The following GRAMD1B variants were observed in gnomAD, a reference collection of about 807,000 sequenced individuals.
GRAMD1B encodes the protein GRAM domain containing 1B, also known as protein Aster-B.
A neutral mutation model predicts 99.7 loss-of-function variants in GRAMD1B; 37 were observed. The ratio of observed to expected loss-of-function variants is 0.37; its 90% CI spans 0.29 to 0.49. The LOEUF (loss-of-function observed/expected upper bound fraction) is 0.49, where lower values mean the gene tolerates loss of function less well. GRAMD1B is among the 20% of genes least tolerant of loss of function. The probability of loss-of-function intolerance (pLI) is 0.98; values close to 1 mark genes in which losing one functional copy is unlikely to be tolerated. For synonymous variants in GRAMD1B, 427 were observed against 387.6 expected (o/e 1.10, Z -1.19); for missense variants, 888 against 1,009.2 (o/e 0.88, Z 1.63).
intron 1 of GRAMD1B, chr11:123,435,722 G>A (rs774022198): frequency 9.7e-5 from 37 of 382,074 alleles, no homozygotes; most frequent in Non-Finnish European, 1.4e-4. Context: ...TGTTTAAAGT[G>A]AAATTCTTTT....
At chr11:123,459,885 TGC>T (rs1265414020) in intron 1 of GRAMD1B, 5 of 152,220 alleles carry the variant, frequency 3.3e-5, no homozygotes, top group Admixed American at 2.6e-4. Flanking sequence ...GTGTACAGAT[TGC>T]CATTCAAAAA....
intron 2 of GRAMD1B, among the ~76,000 whole-genome samples, chr11:123,513,433 C>T (rs1941241201): frequency 6.6e-6 from 1 of 151,822 alleles, no homozygotes; most frequent in Non-Finnish European, 1.5e-5. Context: ...ATAGCCTGAC[C>T]TGACTGTGTT....
chr11:123,416,306 G>A (rs561978019), intron 1 of GRAMD1B, among the ~76,000 whole-genome samples: 79 of 152,182 alleles, frequency 5.2e-4, no homozygotes, highest in Non-Finnish European at 1.1e-3. Flanking sequence ...TAACTGAATG[G>A]GCAAAACCAC....
At chr11:123,486,390 C>G (rs575792532) in intron 2 of GRAMD1B, among the ~76,000 whole-genome samples, 3 of 151,694 alleles carry the variant, frequency 2.0e-5, no homozygotes, top group Non-Finnish European at 4.4e-5. Flanking sequence ...TTTATCAAAA[C>G]TACAAAAAAT....
intron 1 of GRAMD1B, among the ~76,000 whole-genome samples, chr11:123,472,227 C>CA (rs35517773): frequency 0.075 from 9,218 of 123,318 alleles, 407 homozygotes; most frequent in African/African-American, 0.15. Flanking sequence ...GACTCTGTCT[C>CA]AAAAAAAAAA....
At chr11:123,497,981 C>T (rs947184426) in intron 2 of GRAMD1B, among the ~76,000 whole-genome samples, 2 of 152,102 alleles carry the variant, frequency 1.3e-5, no homozygotes, top group Non-Finnish European at 2.9e-5. Flanking sequence ...TTCCCTCCCC[C>T]TTCCCGGCCA....
chr11:123,446,587 T>C (rs1172424031), intron 1 of GRAMD1B, among the ~76,000 whole-genome samples: 2 of 152,188 alleles, frequency 1.3e-5, no homozygotes, highest in Non-Finnish European at 2.9e-5. Flanking sequence ...CTCAGAACAC[T>C]GAAAATTTCT....
intron 2 of GRAMD1B, among the ~76,000 whole-genome samples, chr11:123,575,409 G>A (rs960184049): frequency 1.1e-4 from 17 of 152,184 alleles, no homozygotes; most frequent in African/African-American, 2.9e-4. Context: ...TCTCAAACTC[G>A]TGGTCTCAAA....
chr11:123,562,950 T>C (rs528574424), intron 2 of GRAMD1B, among the ~76,000 whole-genome samples: 90 of 152,368 alleles, frequency 5.9e-4, no homozygotes, highest in Non-Finnish European at 9.6e-4. Flanking sequence ...GAAGTGATGA[T>C]TCTGCTCTAT....
intron 1 of GRAMD1B, among the ~76,000 whole-genome samples, chr11:123,474,650 G>T (rs1951175037): frequency 6.6e-6 from 1 of 152,134 alleles, no homozygotes; most frequent in Non-Finnish European, 1.5e-5. Context: ...AAAGGCAGGG[G>T]GCAAACCCAG....
At chr11:123,560,756 T>C in intron 2 of GRAMD1B, 1 of 451,526 alleles carries the variant, frequency 2.2e-6, no homozygotes, top group Non-Finnish European at 4.4e-6. Flanking sequence ...CCTCGTGGGA[T>C]TTTTTGGAAG....
At chr11:123,402,954 A>G (rs1947720152) in intron 1 of GRAMD1B, among the ~76,000 whole-genome samples, 1 of 136,252 alleles carries the variant, frequency 7.3e-6, no homozygotes, top group Non-Finnish European at 1.5e-5. Flanking sequence ...TATATACCCA[A>G]AGGATTAAAA....
rs574594222 is a variant in GRAMD1B, at chr11:123,596,436, A to G, written c.969+399A>G. On this transcript the variant is annotated intron_variant, in intron 7 of 19. Coordinates refer to ENST00000635736, the MANE Select transcript of GRAMD1B (RefSeq NM_001387025.1). ...ATACAAATGTTAAGAAGTCGTCATT[A>G]TGTATCAGCTTAGCTGATTATCTCT... Among the ~76,000 whole-genome samples the G allele has an allele frequency of 4.9e-4, 75 of 152,378 alleles. No homozygotes were observed. In the South Asian group the frequency reaches 0.012, roughly 25 times the overall value.
intron 1 of GRAMD1B, chr11:123,435,711 C>A (rs1199683500): frequency 1.8e-5 from 7 of 399,988 alleles, no homozygotes; most frequent in Non-Finnish European, 2.7e-5. Flanking sequence ...TTTTTCTCTA[C>A]TGTTTAAAGT....
At chr11:123,565,110 T>C in intron 2 of GRAMD1B, among the ~76,000 whole-genome samples, 1 of 152,166 alleles carries the variant, frequency 6.6e-6, no homozygotes, top group Non-Finnish European at 1.5e-5. Flanking sequence ...CATAGCTTAC[T>C]GCAACCTCGA....
At chr11:123,359,887 A>G (rs1946080845) in intron 1 of GRAMD1B, among the ~76,000 whole-genome samples, 1 of 152,244 alleles carries the variant, frequency 6.6e-6, no homozygotes, top group Non-Finnish European at 1.5e-5. Context: ...CAACGCCTAC[A>G]TGGGTACATC....
chr11:123,476,609 C>T (rs1308574109), intron 1 of GRAMD1B, among the ~76,000 whole-genome samples: 1 of 152,200 alleles, frequency 6.6e-6, no homozygotes, highest in Non-Finnish European at 1.5e-5. Context: ...CCACCAGCTA[C>T]ACCTTGTTCA....
chr11:123,461,111 A>G (rs113740647), intron 1 of GRAMD1B, among the ~76,000 whole-genome samples: 6,305 of 152,300 alleles, frequency 0.041, 167 homozygotes, highest in Middle Eastern at 0.071. Flanking sequence ...AAATGTCTTA[A>G]AAACATATTG....
chr11:123,574,091 A>AAAAG (rs1555080059), intron 2 of GRAMD1B, among the ~76,000 whole-genome samples: 1 of 151,652 alleles, frequency 6.6e-6, no homozygotes, highest in African/African-American at 2.4e-5. Context: ...AAAAAAAAAA[A>AAAAG]AAGAAGAAAG....
Sources: gnomAD v4.1 joint callset for allele counts (sites outside exome capture counted in the v4.1 genomes callset) on GRCh38, gnomAD v4.1.1 for gene constraint, MANE v1.5 for transcripts, NCBI Gene and HGNC (gene_info 2026-07-23, HGNC 2026-07-21) for gene names.